Variants in PACRG observed in about 807,000 individuals in gnomAD.
PACRG encodes parkin coregulated gene protein.
Under a neutral mutation model 29.7 loss-of-function variants are expected in PACRG, and 29 were observed. The observed-to-expected ratio is 0.98, with a 90% CI of 0.73 to 1.33. PACRG has a LOEUF of 1.33. Among genes scored for constraint, PACRG ranks in the 40% most tolerant of loss-of-function variants. The probability of loss-of-function intolerance (pLI) is 0.00; values close to 1 mark genes in which losing one functional copy is unlikely to be tolerated. For missense variants in PACRG, 279 were observed against 316.2 expected (o/e 0.88, Z 0.89); for synonymous variants, 116 against 118.7 (o/e 0.98, Z 0.15).
chr6:162,870,314 A>G (rs776899692), intron 2 of PACRG, among the ~76,000 whole-genome samples: 5 of 152,248 alleles, frequency 3.3e-5, no homozygotes, highest in Non-Finnish European at 5.9e-5. Context: ...ACAATACTCT[A>G]ACTTTTTTAA....
chr6:163,229,145 A>C (rs186708845), intron 4 of PACRG, among the ~76,000 whole-genome samples: 1 of 152,302 alleles, frequency 6.6e-6, no homozygotes, highest in East Asian at 1.9e-4. Flanking sequence ...GGATCACTTG[A>C]GTCCAGGAGT....
intron 4 of PACRG, chr6:163,312,861 T>C: frequency 5.0e-6 from 2 of 399,532 alleles, no homozygotes; most frequent in Admixed American, 2.8e-5. Flanking sequence ...CAAGTGATCC[T>C]CCCACCTCAG....
intron 1 of PACRG, among the ~76,000 whole-genome samples, chr6:162,779,053 A>G (rs565062007): frequency 3.3e-5 from 5 of 152,088 alleles, no homozygotes; most frequent in African/African-American, 4.8e-5. Flanking sequence ...GACAGGCCCA[A>G]TTGTATGTTG....
intron 2 of PACRG, among the ~76,000 whole-genome samples, chr6:162,841,599 G>C (rs1401576786): frequency 6.6e-6 from 1 of 150,470 alleles, no homozygotes; most frequent in African/African-American, 2.4e-5. Flanking sequence ...ATTTCCTTCA[G>C]TTCTGCTCTG....
At chr6:162,888,284 T>G (rs1794509495) in intron 2 of PACRG, among the ~76,000 whole-genome samples, 1 of 151,992 alleles carries the variant, frequency 6.6e-6, no homozygotes, top group Non-Finnish European at 1.5e-5. Flanking sequence ...GCCACAACCC[T>G]CACATACAGA....
intron 1 of PACRG, among the ~76,000 whole-genome samples, chr6:162,759,405 A>G (rs1223699869): frequency 1.3e-5 from 2 of 152,208 alleles, no homozygotes; most frequent in Non-Finnish European, 2.9e-5. Context: ...GAATTTTCAA[A>G]TTACCTCAGA....
At chr6:162,817,508 T>C (rs1245564369) in intron 2 of PACRG, among the ~76,000 whole-genome samples, 1 of 152,176 alleles carries the variant, frequency 6.6e-6, no homozygotes, top group Non-Finnish European at 1.5e-5. Flanking sequence ...TTGTGGCATC[T>C]CTGAAGATTG....
At chr6:162,927,123 G>T (rs1308602018) in intron 2 of PACRG, among the ~76,000 whole-genome samples, 1 of 151,996 alleles carries the variant, frequency 6.6e-6, no homozygotes, top group Non-Finnish European at 1.5e-5. Flanking sequence ...CACCGGTCAG[G>T]ATGGCAATTA....
intron 4 of PACRG, among the ~76,000 whole-genome samples, chr6:163,196,199 C>T (rs1422445990): frequency 1.3e-5 from 2 of 152,236 alleles, no homozygotes; most frequent in Admixed American, 1.3e-4. Context: ...GTGCCCTGCA[C>T]ATGATAAGCA....
intron 4 of PACRG, among the ~76,000 whole-genome samples, chr6:163,247,035 G>A (rs1022474528): frequency 1.3e-5 from 2 of 152,140 alleles, no homozygotes; most frequent in African/African-American, 4.8e-5. Flanking sequence ...ATGGCCAAGG[G>A]CCCAAAAGAA....
chr6:162,821,863 G>C (rs1787871797), intron 2 of PACRG, among the ~76,000 whole-genome samples: 1 of 152,116 alleles, frequency 6.6e-6, no homozygotes, highest in South Asian at 2.1e-4. Flanking sequence ...GAGATCAAAA[G>C]TCCTTTGACA....
chr6:162,779,050 C>G (rs1297244957), intron 1 of PACRG, among the ~76,000 whole-genome samples: 2 of 152,060 alleles, frequency 1.3e-5, no homozygotes, highest in African/African-American at 4.8e-5. Flanking sequence ...ACTGACAGGC[C>G]CAATTGTATG....
At chr6:163,222,242 G>C (rs186065556) in intron 4 of PACRG, among the ~76,000 whole-genome samples, 1 of 152,352 alleles carries the variant, frequency 6.6e-6, no homozygotes, top group Admixed American at 6.5e-5. Flanking sequence ...ACAGCTTGTG[G>C]AAATGAAGGT....
chr6:162,842,415 C>T (rs1440753602), intron 2 of PACRG, among the ~76,000 whole-genome samples: 15 of 151,560 alleles, frequency 9.9e-5, no homozygotes, highest in East Asian at 7.8e-4. Context: ...ACTAGGATTG[C>T]AGCCCCTGCC....
intron 4 of PACRG, among the ~76,000 whole-genome samples, chr6:163,094,555 T>A (rs554129798): frequency 6.6e-6 from 1 of 152,136 alleles, no homozygotes; most frequent in African/African-American, 2.4e-5. Flanking sequence ...TAAGAGTATC[T>A]CCAATTTACC....
intron 2 of PACRG, among the ~76,000 whole-genome samples, chr6:163,005,658 T>C (rs1437991725): frequency 6.7e-6 from 1 of 149,324 alleles, no homozygotes; most frequent in African/African-American, 2.6e-5. Context: ...TTATATTAAA[T>C]TTATTTGTTT....
Position 163,314,909 on chromosome 6 carries a change from C to G in PACRG, c.696C>G (p.Phe232Leu). Residue 232 changes from phenylalanine to leucine, a missense_variant, in exon 5 of 5, where the codon TTC becomes TTG. By Grantham distance (22) the Phe-to-Leu change is conservative. Coordinates refer to ENST00000366888, the MANE Select transcript of PACRG (RefSeq NM_001080379.2). ...TGATCCAGGAGACACTGGAGGCCTT[C>G]GAGCGCTACGGAGGAGAAAATGCCT... ...GDLIQETLEA[F>L]ERYGGENAFI... 2 of 1,614,188 alleles carry G rather than the reference C, an allele frequency of 1.2e-6. No homozygotes were observed. The highest frequency in any genetic ancestry group is 1.7e-6 in the Non-Finnish European group (2 of 1,180,040).
intron 4 of PACRG, among the ~76,000 whole-genome samples, chr6:163,093,454 G>T (rs1472766041): frequency 3.3e-5 from 5 of 152,098 alleles, no homozygotes; most frequent in Non-Finnish European, 7.4e-5. Context: ...AAAACAATAG[G>T]AATCTTCAAT....
At chr6:163,197,434 CTTTTTTTTT>C (rs57942658) in intron 4 of PACRG, among the ~76,000 whole-genome samples, 6 of 106,280 alleles carry the variant, frequency 5.6e-5, no homozygotes, top group Admixed American at 3.1e-4. Flanking sequence ...CTTTTCTTTT[CTTTTTTTTT>C]TTTTTTTTTT....
Sources: allele counts gnomAD v4.1 joint callset (sites outside exome capture counted in the v4.1 genomes callset), GRCh38; gene constraint gnomAD v4.1.1; transcripts MANE v1.5; gene names NCBI Gene and HGNC (gene_info 2026-07-23, HGNC 2026-07-21).